The following CAMTA1 variants were observed in gnomAD, a reference collection of about 807,000 sequenced individuals.
CAMTA1 encodes calmodulin binding transcription activator 1.
A neutral mutation model predicts 170.9 loss-of-function variants in CAMTA1; 27 were observed. The ratio of observed to expected loss-of-function variants is 0.16; its 90% CI spans 0.12 to 0.22. The LOEUF is 0.22. Among genes scored for constraint, CAMTA1 ranks in the 10% least tolerant of loss-of-function variants. The probability of loss-of-function intolerance (pLI) is 1.00; values close to 1 mark genes in which losing one functional copy is unlikely to be tolerated. For synonymous variants in CAMTA1, 833 were observed against 891.5 expected, an observed-to-expected ratio of 0.93 and a Z score of 1.17; for missense variants, 1,619 against 2,217.2, an observed-to-expected ratio of 0.73 and a Z score of 5.42.
At position 6,925,313 on chromosome 1, in the gene CAMTA1, C is replaced by T. The variant is rs1012356736; in HGVS notation, c.234+100103C>T. Among the ~76,000 whole-genome samples, 3 of 152,370 alleles carry T rather than the reference C, an allele frequency of 2.0e-5. No homozygotes were observed. The East Asian group carries it at 5.8e-4, about 29-fold the overall frequency. On this transcript the variant is annotated intron_variant, in intron 3 of 22. Transcript: ENST00000303635. ...AGCCCTCCTGTCTCTCATGCCTCCC[C>T]TGCGCGTCATGGGGTTACACGTGTC...
At chr1:7,170,790 C>A (rs923405380) in intron 4 of CAMTA1, among the ~76,000 whole-genome samples, 1 of 152,048 alleles carries the variant, frequency 6.6e-6, no homozygotes, top group Admixed American at 6.6e-5. Flanking sequence ...TTTCTGGGAT[C>A]TTTTTGTTAA....
intron 6 of CAMTA1, among the ~76,000 whole-genome samples, chr1:7,586,258 T>C (rs1374524405): frequency 6.6e-6 from 1 of 152,116 alleles, no homozygotes; most frequent in Non-Finnish European, 1.5e-5. Flanking sequence ...AGTTTAAGCC[T>C]CGAGGGCTGG....
intron 1 of CAMTA1, among the ~76,000 whole-genome samples, chr1:6,810,050 G>A (rs970366080): frequency 6.6e-6 from 1 of 152,208 alleles, no homozygotes; most frequent in Non-Finnish European, 1.5e-5. Flanking sequence ...GAGTGTATTA[G>A]TTATCTATAG....
chr1:7,531,159 T>A (rs1371161906), intron 6 of CAMTA1, among the ~76,000 whole-genome samples: 1 of 123,646 alleles, frequency 8.1e-6, no homozygotes, highest in Non-Finnish European at 1.6e-5. Flanking sequence ...GATGAAGGGA[T>A]GGAAGCATGG....
chr1:7,028,294 T>C (rs1415956484), intron 3 of CAMTA1, among the ~76,000 whole-genome samples: 4 of 152,216 alleles, frequency 2.6e-5, no homozygotes, highest in Non-Finnish European at 5.9e-5. Flanking sequence ...CTGTCAGGCA[T>C]TTCATTGTCT....
chr1:7,594,241 GAAA>G, intron 6 of CAMTA1, among the ~76,000 whole-genome samples: 1 of 145,498 alleles, frequency 6.9e-6, no homozygotes, highest in East Asian at 1.9e-4. Context: ...AAGGAAGGAA[GAAA>G]GAAAAGAAGG....
At chr1:7,647,428 G>A (rs555777896) in intron 7 of CAMTA1, among the ~76,000 whole-genome samples, 24 of 152,310 alleles carry the variant, frequency 1.6e-4, no homozygotes, top group African/African-American at 5.5e-4. Flanking sequence ...GTGGCCAGTG[G>A]CAGCGGCCCC....
chr1:7,036,504 C>T (rs570794680), intron 3 of CAMTA1, among the ~76,000 whole-genome samples: 8 of 152,296 alleles, frequency 5.3e-5, no homozygotes, highest in South Asian at 2.1e-4. Context: ...GTAGGACTTA[C>T]GATCCTAATT....
chr1:7,186,478 T>C (rs907253515), intron 4 of CAMTA1, among the ~76,000 whole-genome samples: 9 of 152,112 alleles, frequency 5.9e-5, no homozygotes, highest in African/African-American at 2.2e-4. Context: ...TGGCTCTGAG[T>C]TGATCTGTTG....
chr1:7,509,893 T>TCACAAGGC (rs2094177108), intron 6 of CAMTA1, among the ~76,000 whole-genome samples: 1 of 151,692 alleles, frequency 6.6e-6, no homozygotes, highest in Non-Finnish European at 1.5e-5. Context: ...TTCCATGAGT[T>TCACAAGGC]CACAAGGCCA....
chr1:7,734,917 A>G (rs1291027692), intron 12 of CAMTA1, among the ~76,000 whole-genome samples: 1 of 152,222 alleles, frequency 6.6e-6, no homozygotes, highest in Non-Finnish European at 1.5e-5. Flanking sequence ...AGTGTTAAAC[A>G]TAAAACTGCT....
At chr1:7,713,946 C>G (rs571918264) in intron 11 of CAMTA1, among the ~76,000 whole-genome samples, 1 of 152,268 alleles carries the variant, frequency 6.6e-6, no homozygotes, top group East Asian at 1.9e-4. Flanking sequence ...ACCGCAGCCA[C>G]TCGGGGGTCC....
At chr1:7,476,565 C>T (rs564097404) in intron 6 of CAMTA1, among the ~76,000 whole-genome samples, 1 of 152,282 alleles carries the variant, frequency 6.6e-6, no homozygotes, top group Non-Finnish European at 1.5e-5. Flanking sequence ...GAGCCAGTTC[C>T]ACACACCTCA....
At chr1:7,368,071 T>C (rs1412022677) in intron 5 of CAMTA1, among the ~76,000 whole-genome samples, 3,387 of 59,886 alleles carry the variant, frequency 0.057, no homozygotes, top group Middle Eastern at 0.16. Flanking sequence ...GGCGCAGACA[T>C]TGGGCACTCA....
At chr1:6,983,948 AGGGT>A in intron 3 of CAMTA1, among the ~76,000 whole-genome samples, 1 of 122,774 alleles carries the variant, frequency 8.1e-6, no homozygotes, top group Admixed American at 8.3e-5. Flanking sequence ...GGGTGGATCG[AGGGT>A]TGGGGGTGGA....
At chr1:7,033,414 A>T (rs1209001647) in intron 3 of CAMTA1, among the ~76,000 whole-genome samples, 1 of 152,006 alleles carries the variant, frequency 6.6e-6, no homozygotes, top group East Asian at 1.9e-4. Flanking sequence ...TTTAATCTTC[A>T]TACCCACTAA....
chr1:7,741,209 A>T (rs1454695301), intron 16 of CAMTA1, among the ~76,000 whole-genome samples: 4 of 152,162 alleles, frequency 2.6e-5, no homozygotes. Context: ...CAGGGACAGT[A>T]ACAGATTTTG....
At chr1:7,315,690 C>G (rs1318941647) in intron 5 of CAMTA1, among the ~76,000 whole-genome samples, 1 of 152,172 alleles carries the variant, frequency 6.6e-6, no homozygotes, top group Non-Finnish European at 1.5e-5. Context: ...TCCAAAAATA[C>G]AAAATCAAAG....
At chr1:7,498,817 AGAG>A (rs1461703416) in intron 6 of CAMTA1, among the ~76,000 whole-genome samples, 2 of 147,052 alleles carry the variant, frequency 1.4e-5, no homozygotes, top group African/African-American at 5.1e-5. Context: ...ATGTGTGTAG[AGAG>A]GATGGTGTGA....
Sources: gnomAD v4.1 joint callset for allele counts (sites outside exome capture counted in the v4.1 genomes callset) on GRCh38, gnomAD v4.1.1 for gene constraint, MANE v1.5 for transcripts, NCBI Gene and HGNC (gene_info 2026-07-23, HGNC 2026-07-21) for gene names.